HS3ST4: variants seen among roughly 807,000 people sequenced by gnomAD.
HS3ST4 encodes heparan sulfate glucosamine 3-O-sulfotransferase 4.
Under a neutral mutation model 29.2 loss-of-function variants are expected in HS3ST4, and 17 were observed. That is an observed-to-expected ratio of 0.58 (90% CI 0.40 to 0.87). The LOEUF is 0.87. Ranked by LOEUF, HS3ST4 falls within the 40% of genes least tolerant of loss-of-function variation. The probability of loss-of-function intolerance (pLI) is 0.00; values close to 1 mark genes in which losing one functional copy is unlikely to be tolerated. For synonymous variants in HS3ST4, 314 were observed against 285.7 expected, an observed-to-expected ratio of 1.10 and a Z score of -1.00; for missense variants, 627 against 634.5, an observed-to-expected ratio of 0.99 and a Z score of 0.13.
chr16:25,732,295 G>T (rs751427033), intron 1 of HS3ST4, among the ~76,000 whole-genome samples: 1 of 152,082 alleles, frequency 6.6e-6, no homozygotes, highest in Non-Finnish European at 1.5e-5. Context: ...ACTTTTTGGC[G>T]GCAGTTTAGA....
intron 1 of HS3ST4, among the ~76,000 whole-genome samples, chr16:25,846,834 C>T (rs965714032): frequency 2.0e-5 from 3 of 151,972 alleles, no homozygotes; most frequent in Non-Finnish European, 4.4e-5. Context: ...TTCTCAATAC[C>T]GTCGTCAAGT....
At chr16:25,734,987 G>A (rs150874321) in intron 1 of HS3ST4, among the ~76,000 whole-genome samples, 16 of 152,296 alleles carry the variant, frequency 1.1e-4, no homozygotes, top group African/African-American at 3.8e-4. Flanking sequence ...GTGTTTTGTG[G>A]ATTCTGAAGC....
chr16:25,776,685 C>T (rs57822251), intron 1 of HS3ST4, among the ~76,000 whole-genome samples: 30,821 of 152,106 alleles, frequency 0.2, 3,394 homozygotes, highest in South Asian at 0.28. Context: ...GATCAGATAC[C>T]GTGGTCAGTG....
intron 1 of HS3ST4, among the ~76,000 whole-genome samples, chr16:26,010,109 A>G (rs945417923): frequency 2.6e-5 from 4 of 152,196 alleles, no homozygotes; most frequent in Admixed American, 1.3e-4. Context: ...AGGTCTATAG[A>G]CTAGAATGGG....
chr16:25,815,786 A>G (rs1967087511), intron 1 of HS3ST4, among the ~76,000 whole-genome samples: 1 of 152,052 alleles, frequency 6.6e-6, no homozygotes, highest in Admixed American at 6.6e-5. Flanking sequence ...ATCTTCCTTA[A>G]CTCACTCAAC....
chr16:26,051,451 A>G (rs370011702), intron 1 of HS3ST4, among the ~76,000 whole-genome samples: 30 of 152,136 alleles, frequency 2.0e-4, no homozygotes, highest in African/African-American at 6.5e-4. Context: ...TTTTTTCACA[A>G]ATTGTCTCTT....
chr16:25,692,305 AGCGGCG>A lies in HS3ST4; in HGVS notation c.-84_-79del, dbSNP rs533546276. 876 of 143,108 alleles carry A rather than the reference AGCGGCG, an allele frequency of 6.1e-3. 1 individual carries two copies. The highest frequency in any genetic ancestry group is 0.011 in the Non-Finnish European group (751 of 70,834). 8.9% of individuals were successfully genotyped at this position (143,108 alleles called of 1,614,324 possible). ...CTTCATGCAGCCGGGGCGGCTGGGC[AGCGGCG>A]GCGGCGGCGGCGGCGGCGGCGGCGG... On this transcript the variant is annotated 5_prime_UTR_variant, in exon 1 of 2. Coordinates refer to ENST00000331351, the MANE Select transcript of HS3ST4 (RefSeq NM_006040.3).
intron 1 of HS3ST4, among the ~76,000 whole-genome samples, chr16:25,804,674 G>A (rs990303696): frequency 6.6e-6 from 1 of 151,974 alleles, no homozygotes. Flanking sequence ...GATGGAGGTG[G>A]TGTTTGTTCT....
intron 1 of HS3ST4, among the ~76,000 whole-genome samples, chr16:25,944,091 T>C (rs986704225): frequency 6.6e-6 from 1 of 152,146 alleles, no homozygotes; most frequent in African/African-American, 2.4e-5. Flanking sequence ...TAGTTGCTGA[T>C]CCACAGTGAA....
At chr16:25,702,265 A>G (rs1966339240) in intron 1 of HS3ST4, among the ~76,000 whole-genome samples, 1 of 152,248 alleles carries the variant, frequency 6.6e-6, no homozygotes, top group African/African-American at 2.4e-5. Flanking sequence ...AAACAATAAT[A>G]GAATTCATTA....
intron 1 of HS3ST4, among the ~76,000 whole-genome samples, chr16:25,831,343 A>T (rs1439867417): frequency 6.7e-6 from 1 of 150,214 alleles, no homozygotes; most frequent in Non-Finnish European, 1.5e-5. Context: ...TGGGAGGATG[A>T]CTGGAAGCCA....
chr16:26,100,467 A>C (rs910628159), intron 1 of HS3ST4, among the ~76,000 whole-genome samples: 1 of 152,058 alleles, frequency 6.6e-6, no homozygotes, highest in African/African-American at 2.4e-5. Context: ...CAGACCCTCA[A>C]AATTTGTGCT....
intron 1 of HS3ST4, among the ~76,000 whole-genome samples, chr16:25,874,810 T>G (rs1967812710): frequency 6.6e-6 from 1 of 152,172 alleles, no homozygotes; most frequent in Non-Finnish European, 1.5e-5. Context: ...ACCGAGAGCA[T>G]GGACTCTGGA....
chr16:25,692,379 T>TGCCGCCGCC lies in HS3ST4; in HGVS notation c.-24_-16dup, dbSNP rs958713046. The TGCCGCCGCC allele has an allele frequency of 4.6e-5, 22 of 477,762 alleles. No individual in the cohort carries two copies. Among genetic ancestry groups the TGCCGCCGCC allele is most frequent in the Admixed American group, 2.0e-4 (3 of 15,022 alleles). 29.6% of individuals were successfully genotyped at this position (477,762 alleles called of 1,614,324 possible). A position where few individuals can be genotyped will look rare whatever the true frequency, so the allele number is the denominator to read the frequency against. Reference sequence around the variant, plus strand: ...ACCATGTCCGGGCAGCGCCGGGGGCTGCCGCCGCCGCCGCCGCCGCCGCGA... The same window carrying TGCCGCCGCC: ...ACCATGTCCGGGCAGCGCCGGGGGCTGCCGCCGCCGCCGCCGCCGCCGCCGCCGCCGCGA... On this transcript the variant is annotated 5_prime_UTR_variant, in exon 1 of 2. Coordinates refer to ENST00000331351, the MANE Select transcript of HS3ST4 (RefSeq NM_006040.3).
intron 1 of HS3ST4, among the ~76,000 whole-genome samples, chr16:25,791,356 G>T (rs1966868764): frequency 6.6e-6 from 1 of 152,048 alleles, no homozygotes; most frequent in Admixed American, 6.6e-5. Flanking sequence ...CTTCATGGTT[G>T]TCTTGTCTAT....
intron 1 of HS3ST4, among the ~76,000 whole-genome samples, chr16:25,825,203 G>T (rs28638034): frequency 6.6e-6 from 1 of 151,984 alleles, no homozygotes. Context: ...AGCAACCACC[G>T]GAAGTTAGGA....
chr16:25,762,745 C>T (rs541462221), intron 1 of HS3ST4, among the ~76,000 whole-genome samples: 8 of 151,534 alleles, frequency 5.3e-5, no homozygotes, highest in Non-Finnish European at 1.0e-4. Flanking sequence ...AACCACCCGA[C>T]GTGTACCTCT....
chr16:25,961,925 T>A (rs756631151), intron 1 of HS3ST4, among the ~76,000 whole-genome samples: 2 of 152,246 alleles, frequency 1.3e-5, no homozygotes, highest in Non-Finnish European at 2.9e-5. Flanking sequence ...GTATGCACAT[T>A]TTCTCTGAAA....
intron 1 of HS3ST4, among the ~76,000 whole-genome samples, chr16:25,981,100 G>C (rs1968999702): frequency 6.6e-6 from 1 of 152,136 alleles, no homozygotes; most frequent in Non-Finnish European, 1.5e-5. Flanking sequence ...CCTCAGGCCT[G>C]TAATCCTAGC....
Sources: gnomAD v4.1 joint callset for allele counts (sites outside exome capture counted in the v4.1 genomes callset) on GRCh38, gnomAD v4.1.1 for gene constraint, MANE v1.5 for transcripts, NCBI Gene and HGNC (gene_info 2026-07-23, HGNC 2026-07-21) for gene names.